USP12: variants seen among roughly 807,000 people sequenced by gnomAD.
USP12 encodes the protein ubiquitin specific peptidase 12.
USP12 carries 19 observed loss-of-function variants against 45.5 expected under a neutral mutation model. The ratio of observed to expected loss-of-function variants is 0.42; its 90% CI spans 0.29 to 0.61. The LOEUF is 0.61. Ranked by LOEUF, USP12 falls within the 20% of genes least tolerant of loss-of-function variation. The pLI, the probability that USP12 is intolerant of heterozygous loss-of-function variation, is 0.22. For missense variants in USP12, 242 were observed against 447.7 expected, an observed-to-expected ratio of 0.54 and a Z score of 4.15; for synonymous variants, 149 against 148.8, an observed-to-expected ratio of 1.00 and a Z score of -0.01.
At chr13:27,133,816 C>G (rs568122673) in intron 1 of USP12, among the ~76,000 whole-genome samples, 9 of 152,192 alleles carry the variant, frequency 5.9e-5, no homozygotes, top group African/African-American at 2.2e-4. Context: ...GAAAAATGTC[C>G]TAATTTTATT....
intron 3 of USP12, among the ~76,000 whole-genome samples, chr13:27,098,772 T>A (rs932112285): frequency 7.2e-5 from 11 of 152,212 alleles, no homozygotes; most frequent in Non-Finnish European, 1.3e-4. Flanking sequence ...GAAAATATCC[T>A]AAATGTTTAT....
At chr13:27,076,505 T>C (rs1873493254) in intron 6 of USP12, among the ~76,000 whole-genome samples, 2 of 152,338 alleles carry the variant, frequency 1.3e-5, no homozygotes, top group South Asian at 4.1e-4. Flanking sequence ...TCACTTTATA[T>C]ATGTCAAGCT....
chr13:27,170,898 G>A (rs1408205785), intron 1 of USP12, among the ~76,000 whole-genome samples: 1 of 152,186 alleles, frequency 6.6e-6, no homozygotes, highest in African/African-American at 2.4e-5. Flanking sequence ...TCTCAGAGGA[G>A]AAAATGGAGA....
intron 1 of USP12, among the ~76,000 whole-genome samples, chr13:27,147,900 G>A (rs763793595): frequency 2.0e-5 from 3 of 152,266 alleles, no homozygotes; most frequent in South Asian, 2.1e-4. Context: ...GGCTGAGGAC[G>A]GAGGATCACT....
chr13:27,145,164 C>T (rs768739447), intron 1 of USP12, among the ~76,000 whole-genome samples: 1 of 152,210 alleles, frequency 6.6e-6, no homozygotes, highest in Non-Finnish European at 1.5e-5. Flanking sequence ...TTCCAAATCG[C>T]AGGTCTCCTC....
chr13:27,166,130 T>A (rs1365859054), intron 1 of USP12, among the ~76,000 whole-genome samples: 2 of 152,166 alleles, frequency 1.3e-5, no homozygotes, highest in South Asian at 2.1e-4. Flanking sequence ...TTCCCATATA[T>A]ACACATCTAA....
At chr13:27,107,378 T>C (rs1269944851) in intron 2 of USP12, among the ~76,000 whole-genome samples, 2 of 152,140 alleles carry the variant, frequency 1.3e-5, no homozygotes, top group Non-Finnish European at 2.9e-5. Flanking sequence ...TTTGAAACTA[T>C]TGTAGCTATA....
At position 27,171,677 on chromosome 13, in the gene USP12, C is replaced by T. The variant is rs1344491959; in HGVS notation, c.-38G>A. On this transcript the variant is annotated 5_prime_UTR_variant, in exon 1 of 9. Coordinates refer to ENST00000282344, the MANE Select transcript of USP12 (RefSeq NM_182488.4). ...ATCTTCCACCCAATCACAGCGGCGG[C>T]GGCGGGCGGGGGAGGAGGGGAGCCG... The T allele has an allele frequency of 1.7e-6, 2 of 1,196,700 alleles. No individual in the cohort carries two copies. The highest frequency in any genetic ancestry group is 3.2e-5 in the South Asian group (2 of 63,280). 74.1% of individuals were successfully genotyped at this position (1,196,700 alleles called of 1,614,324 possible).
chr13:27,170,099 A>C, intron 1 of USP12: 1 of 386,796 alleles, frequency 2.6e-6, no homozygotes, highest in Non-Finnish European at 4.6e-6. Flanking sequence ...AATTCTCCAA[A>C]ATCATTTTAA....
chr13:27,093,309 G>GAA (rs61614819), intron 4 of USP12, among the ~76,000 whole-genome samples: 104 of 147,806 alleles, frequency 7.0e-4, no homozygotes, highest in South Asian at 8.5e-4. Flanking sequence ...AATTATACCC[G>GAA]AAAAAAAAAA....
At chr13:27,095,874 T>C in intron 3 of USP12, 44 bp from the exon 4 acceptor site, 2 of 1,446,124 alleles carry the variant, frequency 1.4e-6, no homozygotes, top group Non-Finnish European at 1.8e-6. Context: ...TCAGAATTCA[T>C]AACTTCATAA....
chr13:27,095,907 T>C (rs1241297180), intron 3 of USP12, 77 bp from the exon 4 acceptor site: 1 of 1,067,514 alleles, frequency 9.4e-7, no homozygotes, highest in Non-Finnish European at 1.3e-6. Context: ...TAAAAGAATA[T>C]CTAGTATTGG....
chr13:27,108,785 T>C (rs73155886), intron 2 of USP12, among the ~76,000 whole-genome samples: 16,914 of 152,166 alleles, frequency 0.11, 1,012 homozygotes, highest in Admixed American at 0.13. Flanking sequence ...GGTGAAACCC[T>C]GTCTCTAACT....
At chr13:27,148,413 C>T (rs1360318634) in intron 1 of USP12, among the ~76,000 whole-genome samples, 7 of 151,760 alleles carry the variant, frequency 4.6e-5, no homozygotes, top group Admixed American at 3.3e-4. Context: ...TGGTGACTCA[C>T]GCCTGTAATG....
intron 2 of USP12, among the ~76,000 whole-genome samples, chr13:27,110,857 G>A (rs1455647561): frequency 6.6e-6 from 1 of 152,068 alleles, no homozygotes; most frequent in African/African-American, 2.4e-5. Context: ...TCCATATTTT[G>A]GAATAGGCAA....
chr13:27,070,209 A>G (rs1300157670), intron 8 of USP12, among the ~76,000 whole-genome samples: 4 of 152,252 alleles, frequency 2.6e-5, no homozygotes, highest in African/African-American at 9.6e-5. Flanking sequence ...CACAAAAGAA[A>G]TCATGCTATG....
At chr13:27,117,299 C>T (rs546949860) in intron 1 of USP12, among the ~76,000 whole-genome samples, 1 of 152,236 alleles carries the variant, frequency 6.6e-6, no homozygotes, top group African/African-American at 2.4e-5. Flanking sequence ...TGATAGCACA[C>T]ATCTCTCAGA....
chr13:27,163,661 A>G (rs1279477078), intron 1 of USP12, among the ~76,000 whole-genome samples: 1 of 151,620 alleles, frequency 6.6e-6, no homozygotes, highest in Non-Finnish European at 1.5e-5. Context: ...ATACAGACAT[A>G]GCCAGGTGCA....
At chr13:27,157,652 T>TAA (rs1353600499) in intron 1 of USP12, among the ~76,000 whole-genome samples, 1 of 152,168 alleles carries the variant, frequency 6.6e-6, no homozygotes, top group Non-Finnish European at 1.5e-5. Context: ...TTTAATCACT[T>TAA]AACCTTATTT....
Sources: allele counts gnomAD v4.1 joint callset (sites outside exome capture counted in the v4.1 genomes callset), GRCh38; gene constraint gnomAD v4.1.1; transcripts MANE v1.5; gene names NCBI Gene and HGNC (gene_info 2026-07-23, HGNC 2026-07-21).